FBLN7: variants seen among roughly 807,000 people sequenced by gnomAD.
FBLN7 encodes fibulin 7.
Under a neutral mutation model 44.0 loss-of-function variants are expected in FBLN7, and 31 were observed. That is an observed-to-expected ratio of 0.70 (90% CI 0.53 to 0.95). The LOEUF (loss-of-function observed/expected upper bound fraction) is 0.95. FBLN7 is among the 40% of genes least tolerant of loss of function. The probability of loss-of-function intolerance (pLI) is 0.00; values close to 1 mark genes in which losing one functional copy is unlikely to be tolerated. For synonymous variants in FBLN7, 262 were observed against 253.4 expected (o/e 1.03, Z -0.32); for missense variants, 573 against 618.5 (o/e 0.93, Z 0.78).
chr2:112,231,902 TG>T, the FBLN7 span: 1 of 1,588,896 alleles, frequency 6.3e-7, no homozygotes, highest in Non-Finnish European at 8.6e-7. Context: ...GTATTCTCCC[TG>T]ATAACATTTT....
chr2:112,138,807 T>C (rs1680482843), intron 1 of FBLN7, 77 bp downstream of exon 1: 1 of 1,278,136 alleles, frequency 7.8e-7, no homozygotes, highest in African/African-American at 2.0e-5. Context: ...CCCGCCTCTC[T>C]CCAGGCCAGC....
chr2:112,158,685 C>T (rs891311416), intron 1 of FBLN7, among the ~76,000 whole-genome samples: 22 of 152,190 alleles, frequency 1.4e-4, no homozygotes, highest in East Asian at 7.7e-4. Context: ...ATGATCCGCT[C>T]GGCTCAGCCT....
At chr2:112,191,955 T>C (rs1683504137), downstream of FBLN7, among the ~76,000 whole-genome samples, 1 of 152,230 alleles carries the variant, frequency 6.6e-6, no homozygotes, top group African/African-American at 2.4e-5. Flanking sequence ...TCTGCTGTAA[T>C]CAAATTTCCC....
the FBLN7 span, among the ~76,000 whole-genome samples, chr2:112,193,705 G>A: frequency 2.6e-5 from 4 of 152,184 alleles, no homozygotes; most frequent in African/African-American, 7.2e-5. Context: ...CACCGTAATC[G>A]TGTGCAATGA....
At position 112,187,647 on chromosome 2, in the gene FBLN7, C is replaced by CA; in HGVS notation, c.*142dup. On this transcript the variant is annotated 3_prime_UTR_variant, in exon 8 of 8. Coordinates refer to ENST00000331203, the MANE Select transcript of FBLN7 (RefSeq NM_153214.3). This position sits in a 1 kb window ranked among gnomAD's most constrained non-coding sequence, Gnocchi z 5.1. ...CACCCAGGCTTCTAGGGCAGCGTTG[C>CA]ACGGCGCCCCATGGAATAGCACGGA... The CA allele has an allele frequency of 2.7e-6, 3 of 1,120,426 alleles. No individual in the cohort carries two copies. The highest frequency in any genetic ancestry group is 3.8e-6 in the Non-Finnish European group (3 of 785,532). The allele number at this position is 1,120,426 out of a possible 1,614,324, so 69.4% of individuals were successfully genotyped here.
chr2:112,166,967 G>T (rs760807725), intron 3 of FBLN7, among the ~76,000 whole-genome samples: 1 of 152,140 alleles, frequency 6.6e-6, no homozygotes, highest in Non-Finnish European at 1.5e-5. Flanking sequence ...CCTTCTTATC[G>T]CCCTACTTTG....
chr2:112,230,844 G>A, the FBLN7 span: 2 of 1,150,908 alleles, frequency 1.7e-6, no homozygotes, highest in Non-Finnish European at 2.3e-6. Context: ...GAGGTTGCAT[G>A]CCAACTTCTG....
At position 112,187,380 on chromosome 2, in the gene FBLN7, T is replaced by C. The variant is rs746503301; in HGVS notation, c.1194T>C (p.Leu398=). The change falls in exon 8 of 8, where the codon CTT becomes CTC. Residue 398 remains leucine, a synonymous_variant. Transcript: ENST00000331203. The surrounding 1 kb of genome is among the most constrained non-coding windows in gnomAD (Gnocchi z 5.1). ...ACCGGCAGACTGGGGATCTGATCCT[T>C]GTGCAGAACCTGGAGGGGCCTCAGA... ...RSDRQTGDLI[L]VQNLEGPQTL... The C allele has an allele frequency of 3.1e-6, 5 of 1,614,148 alleles. No individual in the cohort carries two copies. The highest frequency in any genetic ancestry group is 4.2e-6 in the Non-Finnish European group (5 of 1,180,022).
chr2:112,184,772 G>A (rs1036872033), intron 6 of FBLN7, among the ~76,000 whole-genome samples: 14 of 130,182 alleles, frequency 1.1e-4, no homozygotes, highest in Non-Finnish European at 1.4e-4. Flanking sequence ...CCATATATAC[G>A]TATATATGGT....
chr2:112,148,279 G>T (rs1680984962), intron 1 of FBLN7, among the ~76,000 whole-genome samples: 1 of 152,190 alleles, frequency 6.6e-6, no homozygotes, highest in African/African-American at 2.4e-5. Context: ...AGGACACCAT[G>T]ATTGACAGGG....
rs1054574537 is a variant in FBLN7, at chr2:112,156,911, C to CGGT, written c.76-2752_76-2750dup. ...AGCGGCAGTGGCTCCATTCCCACCGCGGTGGTGGTGGTGGTTGTGGTTGTG... is the reference window on the plus strand; with the variant it reads ...AGCGGCAGTGGCTCCATTCCCACCGCGGTGGTGGTGGTGGTGGTTGTGGTTGTG... On this transcript the variant is annotated intron_variant, in intron 1 of 7. Transcript: ENST00000331203. Among the ~76,000 whole-genome samples, 6 of 152,072 alleles carry CGGT rather than the reference C, an allele frequency of 3.9e-5. No individual in the cohort carries two copies. The East Asian group carries it at 7.7e-4, about 20-fold the overall frequency.
At position 112,181,771 on chromosome 2, in the gene FBLN7, G is replaced by T. The variant is rs995038482; in HGVS notation, c.565G>T (p.Ala189Ser). 7.0e-7 allele frequency: 1 copy of T among 1,432,284 alleles called. No homozygotes were observed. Among genetic ancestry groups the T allele is most frequent in the South Asian group, 1.4e-5 (1 of 70,552 alleles). The allele number at this position is 1,432,284 out of a possible 1,614,324, so 88.7% of individuals were successfully genotyped here. The change falls in exon 5 of 8, where the codon GCC (alanine) becomes TCC (serine). Residue 189 changes from alanine to serine, a missense_variant. By Grantham distance (99) the Ala-to-Ser change is moderately conservative (BLOSUM62 1). Transcript: ENST00000331203. ...APEGSVAGDS[A>S]FSRAPRCAQV... ...CGAGGGCAGCGTGGCCGGCGACTCC[G>T]CCTTCAGCCGCGCGCCGCGCTGTGC...
chr2:112,141,593 G>A (rs1680652328), intron 1 of FBLN7, among the ~76,000 whole-genome samples: 1 of 152,194 alleles, frequency 6.6e-6, no homozygotes, highest in Admixed American at 6.5e-5. Flanking sequence ...AGAGCAATGG[G>A]GTCTCCTATC....
chr2:112,232,639 T>C, the FBLN7 span, among the ~76,000 whole-genome samples: 1 of 152,208 alleles, frequency 6.6e-6, no homozygotes, highest in Non-Finnish European at 1.5e-5. Context: ...CTTTGTACAT[T>C]AGACTTGTTT....
chr2:112,185,274 C>G lies in FBLN7; in HGVS notation c.882C>G (p.Phe294Leu). The G allele has an allele frequency of 6.2e-7, 1 of 1,614,002 alleles. No homozygotes were observed. The highest frequency in any genetic ancestry group is 8.5e-7 in the Non-Finnish European group (1 of 1,179,914). The change falls in exon 7 of 8, where the codon TTC becomes TTG. Residue 294 changes from phenylalanine to leucine, a missense_variant. Transcript: ENST00000331203. ...CATGCATCAACACCGGTGGAAGCTT[C>G]CAGTGTGTCAGCCCTGAGTGCCCCG... ...GTTCINTGGS[F>L]QCVSPECPEG... is the part of the protein sequence containing the mutation.
At chr2:112,228,394 C>T in the FBLN7 span, among the ~76,000 whole-genome samples, 2 of 151,480 alleles carry the variant, frequency 1.3e-5, no homozygotes, top group Non-Finnish European at 1.5e-5. Flanking sequence ...TCCAGCTACT[C>T]GGGATGCTGA....
chr2:112,204,544 T>A, the FBLN7 span, among the ~76,000 whole-genome samples: 1 of 152,086 alleles, frequency 6.6e-6, no homozygotes, highest in South Asian at 2.1e-4. Flanking sequence ...TCAAAAAGAA[T>A]TTTTAAACTA....
intron 4 of FBLN7, among the ~76,000 whole-genome samples, chr2:112,180,175 G>A (rs557786703): frequency 2.6e-5 from 4 of 152,156 alleles, no homozygotes; most frequent in South Asian, 2.1e-4. Flanking sequence ...AGTGGGCAAC[G>A]TACATGAACA....
chr2:112,178,965 G>A (rs1440814389), intron 4 of FBLN7, among the ~76,000 whole-genome samples: 2 of 152,236 alleles, frequency 1.3e-5, no homozygotes, highest in Admixed American at 6.5e-5. Flanking sequence ...TCTATTCAAC[G>A]TAGTATTGGA....
Sources: gnomAD v4.1 joint callset for allele counts (sites outside exome capture counted in the v4.1 genomes callset) on GRCh38, gnomAD v4.1.1 for gene constraint, Gnocchi (gnomAD v3.1) non-coding constraint, MANE v1.5 for transcripts, NCBI Gene and HGNC (gene_info 2026-07-23, HGNC 2026-07-21) for gene names.